SPG7: variants seen among roughly 807,000 people sequenced by gnomAD.
SPG7 encodes SPG7 matrix AAA peptidase subunit, paraplegin, also known as mitochondrial inner membrane m-AAA protease component paraplegin.
Under a neutral mutation model 81.9 loss-of-function variants are expected in SPG7, and 103 were observed. The observed-to-expected ratio is 1.26, with a 90% CI of 1.07 to 1.48. SPG7 has a LOEUF of 1.48. SPG7 is among the 40% of genes most tolerant of loss of function. SPG7 has a pLI of 0.00. For missense variants in SPG7, 1,241 were observed against 1,087.3 expected, an observed-to-expected ratio of 1.14 and a Z score of -1.99; for synonymous variants, 534 against 444.2, an observed-to-expected ratio of 1.20 and a Z score of -2.54.
In SPG7 at chr16:89,532,192, G is replaced by T. The variant is rs2058352985; in HGVS notation, c.1150+126G>T. 4.5e-6 allele frequency: 5 copies of T among 1,103,152 alleles called. No homozygotes were observed. The East Asian group carries it at 1.3e-4, about 28-fold the overall frequency. The allele number at this position is 1,103,152 out of a possible 1,614,324, so 68.3% of individuals were successfully genotyped here. On this transcript the variant is annotated intron_variant, in intron 8 of 16. Coordinates refer to ENST00000645818, the MANE Select transcript of SPG7 (RefSeq NM_003119.4). ...GTGGGGGAGTAGAGAAGGAAAGCGA[G>T]GTCTGGGTTGGCGGAGGGGTTTTGT... is the stretch of plus-strand genomic sequence containing the variant.
intron 9 of SPG7, chr16:89,541,320 C>T (rs554078840): frequency 3.0e-6 from 3 of 985,224 alleles, no homozygotes; most frequent in South Asian, 4.7e-5. Context: ...AAACTTTCTT[C>T]CTGCAGCAAC....
rs368500645 is a variant in SPG7, at chr16:89,548,127, G to A, written c.1663+14G>A. 32 of 1,572,118 alleles carry A rather than the reference G, an allele frequency of 2.0e-5. No homozygotes were observed. Among genetic ancestry groups the A allele is most frequent in the African/African-American group, 4.0e-5 (3 of 74,366 alleles). On this transcript the variant is annotated intron_variant, in intron 12 of 16. Coordinates refer to ENST00000645818, the MANE Select transcript of SPG7 (RefSeq NM_003119.4). ...GCGTCCTCGCAGGTACAGGGGGCGC[G>A]CCCTGGGTGAAGGCCCTCCTTAGCA...
In SPG7 at chr16:89,532,447, C is replaced by G. The variant is rs370089344; in HGVS notation, c.1151-16C>G. On this transcript the variant is annotated splice_polypyrimidine_tract_variant and intron_variant, in intron 8 of 16. Transcript: ENST00000645818. ...TATTAACTGCCCATTTCCTGATTCTCTCTGTGTCCCCTCAGGCCTCGGCGC... is the reference window on the plus strand; with the variant it reads ...TATTAACTGCCCATTTCCTGATTCTGTCTGTGTCCCCTCAGGCCTCGGCGC... The G allele has an allele frequency of 2.2e-5, 36 of 1,613,030 alleles. No homozygotes were observed. Among genetic ancestry groups the G allele is most frequent in the Non-Finnish European group, 2.8e-5 (33 of 1,179,958 alleles).
intron 9 of SPG7, among the ~76,000 whole-genome samples, chr16:89,535,125 G>A (rs910755762): frequency 1.3e-5 from 2 of 152,206 alleles, no homozygotes; most frequent in South Asian, 2.1e-4. Flanking sequence ...GGATCAGGTC[G>A]AGCAGTGCAT....
At chr16:89,511,965 G>T (rs2152394398) in intron 2 of SPG7, among the ~76,000 whole-genome samples, 1 of 152,234 alleles carries the variant, frequency 6.6e-6, no homozygotes, top group African/African-American at 2.4e-5. Flanking sequence ...AGGCTGGAGT[G>T]CAGTGGCGCG....
At chr16:89,552,523 C>T (rs113000945) in intron 13 of SPG7, 3,637 of 215,282 alleles carry the variant, frequency 0.017, 134 homozygotes, top group African/African-American at 0.079. Flanking sequence ...CTCGTTGCCC[C>T]GCGCCACCTC....
At chr16:89,530,145 T>G in intron 6 of SPG7, 2 of 253,932 alleles carry the variant, frequency 7.9e-6, no homozygotes, top group South Asian at 4.4e-5. Context: ...GGCCTTTCTT[T>G]TTTGTGTGTG....
At chr16:89,551,500 C>G (rs1263528215) in intron 13 of SPG7, 1 of 152,590 alleles carries the variant, frequency 6.6e-6, no homozygotes, top group African/African-American at 2.4e-5. Flanking sequence ...GCGATGTGCA[C>G]CACAGTCATG....
chr16:89,533,089 A>C (rs1354788426), intron 9 of SPG7: 3 of 177,882 alleles, frequency 1.7e-5, no homozygotes, highest in Admixed American at 1.1e-4. Context: ...AAAAAAAAAA[A>C]AAAACACAGC....
chr16:89,511,009 G>A (rs1415507733), intron 2 of SPG7, among the ~76,000 whole-genome samples: 1 of 151,986 alleles, frequency 6.6e-6, no homozygotes, highest in African/African-American at 2.4e-5. Context: ...ATTTTTGGGG[G>A]GTATTTTTTG....
At position 89,526,315 on chromosome 16, in the gene SPG7, T is replaced by A. The variant is rs758008336; in HGVS notation, c.619-14T>A. On this transcript the variant is annotated splice_polypyrimidine_tract_variant and intron_variant, in intron 4 of 16. Transcript: ENST00000645818. Reference sequence around the variant, plus strand: ...CTGCGTTTCTCATGGTCCCCTCTCCTTTCTGCCCCCCAGCGGCTAGCCTTG... The same window carrying A: ...CTGCGTTTCTCATGGTCCCCTCTCCATTCTGCCCCCCAGCGGCTAGCCTTG... 1 of 1,613,958 alleles carries A rather than the reference T, an allele frequency of 6.2e-7. No individual in the cohort carries two copies. Among genetic ancestry groups the A allele is most frequent in the South Asian group, 1.1e-5 (1 of 91,076 alleles).
intron 4 of SPG7, among the ~76,000 whole-genome samples, chr16:89,526,073 C>A (rs1039779654): frequency 2.0e-5 from 3 of 152,070 alleles, no homozygotes; most frequent in African/African-American, 4.8e-5. Flanking sequence ...TTTCAGCTTC[C>A]CAGGGGCTCA....
chr16:89,512,858 C>T (rs1367097662), intron 2 of SPG7, 90 bp from the exon 3 acceptor site: 1 of 1,442,686 alleles, frequency 6.9e-7, no homozygotes, highest in Non-Finnish European at 9.7e-7. Context: ...TTTTGTTTTG[C>T]TTTGGTTATT....
intron 13 of SPG7, among the ~76,000 whole-genome samples, chr16:89,550,845 A>G (rs964286461): frequency 6.6e-6 from 1 of 152,218 alleles, no homozygotes; most frequent in South Asian, 2.1e-4. Context: ...GGGCTGTGTC[A>G]CATCGGAGCA....
chr16:89,544,612 C>T (rs1433401711), intron 9 of SPG7, 36 bp from the exon 10 acceptor site: 3 of 1,613,100 alleles, frequency 1.9e-6, no homozygotes, highest in East Asian at 2.2e-5. Context: ...GTCAGGACCC[C>T]TACCCTCAGA....
chr16:89,544,232 G>A (rs535967049), intron 9 of SPG7: 52 of 292,778 alleles, frequency 1.8e-4, no homozygotes, highest in South Asian at 1.2e-3. Context: ...AGGGCCAGAC[G>A]TTGAAGATAA....
In SPG7 at chr16:89,550,569, T is replaced by C; in HGVS notation, c.1739T>C (p.Leu580Ser). 1 of 1,613,968 alleles carries C rather than the reference T, an allele frequency of 6.2e-7. No individual in the cohort carries two copies. Among genetic ancestry groups the C allele is most frequent in the Non-Finnish European group, 8.5e-7 (1 of 1,179,962 alleles). The change falls in exon 13 of 17, where the codon TTG becomes TCG. Residue 580 changes from leucine (L) to serine (S), a missense_variant. Transcript: ENST00000645818. ...GCGTTTCATGAGTCGGGCCACGCCT[T>C]GGTGGGCTGGATGCTGGAGCACACG... The part of the protein sequence containing the change: ...VVAFHESGHA[L>S]VGWMLEHTEA...
At chr16:89,556,421 G>A (rs146605038) in intron 16 of SPG7, 78 of 265,930 alleles carry the variant, frequency 2.9e-4, no homozygotes, top group Middle Eastern at 1.2e-3. Context: ...CAGGTCCACC[G>A]GCACAGGACA....
At chr16:89,537,240 T>C (rs2058437761) in intron 9 of SPG7, 1 of 1,412,666 alleles carries the variant, frequency 7.1e-7, no homozygotes, top group Non-Finnish European at 9.2e-7. Context: ...CCAAGCCTTG[T>C]TGGTTACGTC....
Sources: allele counts gnomAD v4.1 joint callset (sites outside exome capture counted in the v4.1 genomes callset), GRCh38; gene constraint gnomAD v4.1.1; transcripts MANE v1.5; gene names NCBI Gene and HGNC (gene_info 2026-07-23, HGNC 2026-07-21).